NR3C2: variants seen among roughly 807,000 people sequenced by gnomAD.
NR3C2 encodes nuclear receptor subfamily 3 group C member 2.
A neutral mutation model predicts 86.4 loss-of-function variants in NR3C2; 15 were observed. The ratio of observed to expected loss-of-function variants is 0.17; its 90% CI spans 0.12 to 0.27. NR3C2 has a LOEUF of 0.27. Among genes scored for constraint, NR3C2 ranks in the 10% least tolerant of loss-of-function variants. The pLI is 1.00. For synonymous variants in NR3C2, 458 were observed against 450.5 expected, an observed-to-expected ratio of 1.02 and a Z score of -0.21; for missense variants, 960 against 1,195.6, an observed-to-expected ratio of 0.80 and a Z score of 2.91.
Position 148,248,907 on chromosome 4 carries a change from G to A in NR3C2, c.1897+11071C>T, listed in dbSNP as rs561709656. Among the ~76,000 whole-genome samples, 36 of 152,230 alleles carry A rather than the reference G, an allele frequency of 2.4e-4. No individual in the cohort carries two copies. The South Asian group carries it at 6.8e-3, about 29-fold the overall frequency. ...TTGCTGTTTCTAAAGCAGTTTAAAC[G>A]TATGTGTGTTAATTTTTATCTTTCT... On this transcript the variant is annotated intron_variant, in intron 3 of 8. Transcript: ENST00000358102.
intron 4 of NR3C2, among the ~76,000 whole-genome samples, chr4:148,176,592 T>C (rs930952450): frequency 5.3e-5 from 8 of 152,210 alleles, no homozygotes; most frequent in East Asian, 1.9e-4. Flanking sequence ...CTCTGGGGAT[T>C]TGGGCCATTA....
chr4:148,280,631 T>G (rs1741185840), intron 2 of NR3C2, among the ~76,000 whole-genome samples: 1 of 152,154 alleles, frequency 6.6e-6, no homozygotes, highest in Admixed American at 6.5e-5. Context: ...CCCAAGTAGC[T>G]GGGACTACAG....
At chr4:148,220,183 T>C (rs1233929038) in intron 3 of NR3C2, among the ~76,000 whole-genome samples, 1 of 151,910 alleles carries the variant, frequency 6.6e-6, no homozygotes, top group African/African-American at 2.4e-5. Context: ...AACTACTGGG[T>C]TCACGTGATC....
At chr4:148,314,802 T>A (rs1743082179) in intron 2 of NR3C2, among the ~76,000 whole-genome samples, 1 of 152,188 alleles carries the variant, frequency 6.6e-6, no homozygotes, top group African/African-American at 2.4e-5. Context: ...ATTCTACATC[T>A]ATTTCTGATA....
At chr4:148,239,059 A>G (rs925565343) in intron 3 of NR3C2, among the ~76,000 whole-genome samples, 2 of 152,232 alleles carry the variant, frequency 1.3e-5, no homozygotes, top group African/African-American at 4.8e-5. Flanking sequence ...GCTGAAGAAT[A>G]GACGTAGAGG....
chr4:148,276,707 GA>G (rs1740979139), intron 2 of NR3C2, among the ~76,000 whole-genome samples: 1 of 152,120 alleles, frequency 6.6e-6, no homozygotes, highest in African/African-American at 2.4e-5. Context: ...CTGTTCCCGA[GA>G]AACAAACGTC....
chr4:148,186,954 T>C (rs1389938059), intron 4 of NR3C2, among the ~76,000 whole-genome samples: 1 of 143,514 alleles, frequency 7.0e-6, no homozygotes, highest in Admixed American at 7.0e-5. Flanking sequence ...CATTCCTTTT[T>C]ATGTCTGCAT....
At chr4:148,239,441 C>T (rs768934050) in intron 3 of NR3C2, among the ~76,000 whole-genome samples, 1 of 152,158 alleles carries the variant, frequency 6.6e-6, no homozygotes, top group Non-Finnish European at 1.5e-5. Context: ...TCTCACCTAC[C>T]CACACTCTTG....
At chr4:148,396,508 C>T (rs1000504411) in intron 2 of NR3C2, among the ~76,000 whole-genome samples, 4 of 152,120 alleles carry the variant, frequency 2.6e-5, no homozygotes, top group African/African-American at 7.2e-5. Flanking sequence ...GTTTTAATTG[C>T]AAAAGCAATA....
chr4:148,168,526 G>A (rs972341140), intron 4 of NR3C2, among the ~76,000 whole-genome samples: 7 of 152,226 alleles, frequency 4.6e-5, no homozygotes, highest in African/African-American at 1.7e-4. Context: ...AGCGGTGTCA[G>A]CACCAGAACT....
chr4:148,085,887 T>C (rs898099569), intron 8 of NR3C2, among the ~76,000 whole-genome samples: 1 of 152,026 alleles, frequency 6.6e-6, no homozygotes, highest in African/African-American at 2.4e-5. Flanking sequence ...CTAGAAGAAA[T>C]GGATAAATTT....
chr4:148,371,134 T>C (rs1313316983), intron 2 of NR3C2, among the ~76,000 whole-genome samples: 2 of 152,218 alleles, frequency 1.3e-5, no homozygotes, highest in African/African-American at 4.8e-5. Flanking sequence ...AATAATCACA[T>C]TGGGGTAAAT....
intron 2 of NR3C2, among the ~76,000 whole-genome samples, chr4:148,262,854 C>G (rs1310954380): frequency 1.3e-5 from 2 of 152,158 alleles, no homozygotes; most frequent in Non-Finnish European, 2.9e-5. Context: ...TCACACAACA[C>G]CCCTAGCCCT....
At chr4:148,147,905 T>TA (rs1360747197) in intron 6 of NR3C2, among the ~76,000 whole-genome samples, 1 of 152,194 alleles carries the variant, frequency 6.6e-6, no homozygotes, top group Non-Finnish European at 1.5e-5. Context: ...CAACAACATA[T>TA]AGCATGATAG....
intron 3 of NR3C2, among the ~76,000 whole-genome samples, chr4:148,256,929 C>T (rs1739861769): frequency 6.6e-6 from 1 of 152,138 alleles, no homozygotes; most frequent in Non-Finnish European, 1.5e-5. Flanking sequence ...ACTTTAAAAT[C>T]ATAATTTACA....
chr4:148,379,389 T>A (rs536909037), intron 2 of NR3C2, among the ~76,000 whole-genome samples: 38 of 152,152 alleles, frequency 2.5e-4, no homozygotes, highest in South Asian at 1.0e-3. Flanking sequence ...GATGTGCAAA[T>A]GGTCAGAGCA....
At chr4:148,404,484 G>C (rs1170306364) in intron 2 of NR3C2, among the ~76,000 whole-genome samples, 2 of 152,060 alleles carry the variant, frequency 1.3e-5, no homozygotes, top group African/African-American at 2.4e-5. Flanking sequence ...GGGGAGTCTA[G>C]AGCAGGGACA....
chr4:148,351,882 T>TC (rs1053562982), intron 2 of NR3C2, among the ~76,000 whole-genome samples: 59 of 152,112 alleles, frequency 3.9e-4, no homozygotes, highest in African/African-American at 1.3e-3. Flanking sequence ...TAAAATGCAG[T>TC]CCCCCCATTC....
chr4:148,345,256 T>A lies in NR3C2; in HGVS notation c.1758-85139A>T, dbSNP rs901198123. 7.2e-5 allele frequency among the ~76,000 whole-genome samples: 11 copies of A among 152,152 alleles called. No individual in the cohort carries two copies. The East Asian group carries it at 1.6e-3, about 21-fold the overall frequency. ...CTGGATATTTTAGTTAGTTTTTTTT[T>A]AATTTCAGAGAGAGACAATACATAT... On this transcript the variant is annotated intron_variant, in intron 2 of 8. Transcript: ENST00000358102.
Sources: gnomAD v4.1 joint callset for allele counts (sites outside exome capture counted in the v4.1 genomes callset) on GRCh38, gnomAD v4.1.1 for gene constraint, MANE v1.5 for transcripts, NCBI Gene and HGNC (gene_info 2026-07-23, HGNC 2026-07-21) for gene names.